The following DPP6 variants were observed in gnomAD, a reference collection of about 807,000 sequenced individuals.
DPP6 encodes A-type potassium channel modulatory protein DPP6.
A neutral mutation model predicts 122.6 loss-of-function variants in DPP6; 69 were observed. That is an observed-to-expected ratio of 0.56 (90% CI 0.46 to 0.69). DPP6 has a LOEUF of 0.69. Among genes scored for constraint, DPP6 ranks in the 30% least tolerant of loss-of-function variants. The pLI, the probability that DPP6 is intolerant of heterozygous loss-of-function variation, is 0.00. For missense variants in DPP6, 928 were observed against 1,116.9 expected, an observed-to-expected ratio of 0.83 and a Z score of 2.41; for synonymous variants, 418 against 433.1, an observed-to-expected ratio of 0.97 and a Z score of 0.43.
the DPP6 span, among the ~76,000 whole-genome samples, chr7:153,794,980 C>T: frequency 6.6e-6 from 1 of 152,168 alleles, no homozygotes; most frequent in Admixed American, 6.5e-5. Flanking sequence ...AATTAAACCT[C>T]CTTTTCTTCC....
chr7:153,851,723 A>G, the DPP6 span, among the ~76,000 whole-genome samples: 1 of 152,112 alleles, frequency 6.6e-6, no homozygotes, highest in Admixed American at 6.6e-5. Context: ...TTCTTTGAAT[A>G]TTCTCCTCCA....
At chr7:154,197,919 A>G (rs1000367343) in intron 1 of DPP6, among the ~76,000 whole-genome samples, 3 of 152,166 alleles carry the variant, frequency 2.0e-5, no homozygotes, top group Admixed American at 6.5e-5. Context: ...ATTTCATTCC[A>G]GCAGGAGCGG....
chr7:153,989,237 CAG>C (rs1167026574), intron 1 of DPP6, among the ~76,000 whole-genome samples: 4 of 126,162 alleles, frequency 3.2e-5, no homozygotes, highest in East Asian at 2.3e-4. Context: ...GAGCGTGTCA[CAG>C]TGTGTGTCAC....
the DPP6 span, among the ~76,000 whole-genome samples, chr7:153,851,128 C>T: frequency 6.6e-6 from 1 of 152,180 alleles, no homozygotes; most frequent in African/African-American, 2.4e-5. Flanking sequence ...CTTGAATAAA[C>T]CATATAACCT....
chr7:154,664,310 A>C (rs982318762), intron 6 of DPP6, among the ~76,000 whole-genome samples: 1 of 152,240 alleles, frequency 6.6e-6, no homozygotes, highest in Admixed American at 6.5e-5. Flanking sequence ...ACTGCATATT[A>C]TTTCCAGTTA....
chr7:153,920,327 A>G (rs1056619407), intron 1 of DPP6, among the ~76,000 whole-genome samples: 24 of 152,352 alleles, frequency 1.6e-4, no homozygotes, highest in Admixed American at 4.6e-4. Context: ...AGAACCGACA[A>G]GCAACTGGCT....
intron 3 of DPP6, among the ~76,000 whole-genome samples, chr7:154,511,208 T>A (rs1004885829): frequency 6.6e-6 from 1 of 152,100 alleles, no homozygotes; most frequent in Non-Finnish European, 1.5e-5. Flanking sequence ...TGGGATAACA[T>A]AAAAATAACT....
At chr7:154,478,586 A>G (rs1822960799) in intron 3 of DPP6, among the ~76,000 whole-genome samples, 1 of 152,170 alleles carries the variant, frequency 6.6e-6, no homozygotes, top group Non-Finnish European at 1.5e-5. Flanking sequence ...AATTACCACA[A>G]CTACAATGAT....
intron 1 of DPP6, among the ~76,000 whole-genome samples, chr7:154,073,113 G>C (rs1803244867): frequency 6.6e-6 from 1 of 152,204 alleles, no homozygotes; most frequent in South Asian, 2.1e-4. Context: ...CATGTCCTCT[G>C]TGGTCCCTTA....
At chr7:153,835,791 G>A in the DPP6 span, among the ~76,000 whole-genome samples, 1 of 152,162 alleles carries the variant, frequency 6.6e-6, no homozygotes, top group South Asian at 2.1e-4. Context: ...AAGGGAAAGG[G>A]GGTGTTACGG....
chr7:154,773,446 G>T (rs994017389), intron 10 of DPP6, among the ~76,000 whole-genome samples: 1 of 152,176 alleles, frequency 6.6e-6, no homozygotes, highest in Non-Finnish European at 1.5e-5. Context: ...TCTGATTGTG[G>T]TCGCTTTTTT....
At chr7:154,154,795 A>G (rs1370147545) in intron 1 of DPP6, among the ~76,000 whole-genome samples, 1 of 152,226 alleles carries the variant, frequency 6.6e-6, no homozygotes, top group Admixed American at 6.5e-5. Flanking sequence ...ACACACACAC[A>G]TGCATGCACA....
At chr7:154,399,616 G>C (rs1815394230) in intron 1 of DPP6, among the ~76,000 whole-genome samples, 1 of 152,080 alleles carries the variant, frequency 6.6e-6, no homozygotes, top group Non-Finnish European at 1.5e-5. Context: ...GTTATATTGA[G>C]AACATCCTCT....
At chr7:153,759,098 A>G in the DPP6 span, among the ~76,000 whole-genome samples, 2 of 151,828 alleles carry the variant, frequency 1.3e-5, no homozygotes, top group Non-Finnish European at 2.9e-5. Flanking sequence ...ATATTGGTGC[A>G]GTTTAAATTT....
At chr7:154,357,765 A>C (rs1384349805) in intron 1 of DPP6, among the ~76,000 whole-genome samples, 5 of 152,078 alleles carry the variant, frequency 3.3e-5, no homozygotes, top group Non-Finnish European at 5.9e-5. Context: ...AACATGGTGA[A>C]ACCCCATATC....
the DPP6 span, among the ~76,000 whole-genome samples, chr7:153,811,252 C>T: frequency 2.4e-3 from 368 of 152,308 alleles, no homozygotes; most frequent in African/African-American, 8.3e-3. Flanking sequence ...TCCAGAATGA[C>T]ATTTCATTCT....
chr7:154,203,352 G>T (rs1186181259), intron 1 of DPP6, among the ~76,000 whole-genome samples: 2 of 152,118 alleles, frequency 1.3e-5, no homozygotes, highest in African/African-American at 4.8e-5. Flanking sequence ...GAATTTTCCA[G>T]TATCCTCTAC....
intron 5 of DPP6, among the ~76,000 whole-genome samples, chr7:154,585,428 A>T (rs1832374263): frequency 6.6e-6 from 1 of 152,208 alleles, no homozygotes; most frequent in Non-Finnish European, 1.5e-5. Context: ...CTGATGAGAC[A>T]GAGAAGAATG....
At chr7:154,817,528 T>C (rs1310471006) in intron 16 of DPP6, among the ~76,000 whole-genome samples, 2 of 152,080 alleles carry the variant, frequency 1.3e-5, no homozygotes, top group African/African-American at 4.8e-5. Flanking sequence ...TGAGTGATGA[T>C]ATAATGAAAC....
Sources: gnomAD v4.1 joint callset for allele counts (sites outside exome capture counted in the v4.1 genomes callset) on GRCh38, gnomAD v4.1.1 for gene constraint, MANE v1.5 for transcripts, NCBI Gene and HGNC (gene_info 2026-07-23, HGNC 2026-07-21) for gene names.